The following RBFOX1 variants were observed in gnomAD, a reference collection of about 807,000 sequenced individuals.
The protein encoded by RBFOX1 is RNA binding protein fox-1 homolog 1.
In RBFOX1, 8 loss-of-function variants were observed where a neutral mutation model predicts 57.7. The ratio of observed to expected loss-of-function variants is 0.14; its 90% CI spans 0.08 to 0.25. RBFOX1 has a LOEUF of 0.25. RBFOX1 is among the 10% of genes least tolerant of loss of function. The pLI, the probability that RBFOX1 is intolerant of heterozygous loss-of-function variation, is 1.00. For missense variants in RBFOX1, 611 were observed against 548.5 expected, an observed-to-expected ratio of 1.11 and a Z score of -1.14; for synonymous variants, 326 against 222.4, an observed-to-expected ratio of 1.47 and a Z score of -4.15.
intron 3 of RBFOX1, among the ~76,000 whole-genome samples, chr16:6,813,676 T>TC (rs1567363873): frequency 6.6e-6 from 1 of 152,182 alleles, no homozygotes; most frequent in Non-Finnish European, 1.5e-5. Flanking sequence ...AATTTCTTTA[T>TC]CACCTTTCCA....
chr16:6,262,036 CAA>C (rs747451048), intron 1 of RBFOX1, among the ~76,000 whole-genome samples: 23 of 141,358 alleles, frequency 1.6e-4, no homozygotes, highest in Non-Finnish European at 3.3e-4. Context: ...CTCAGAAAAA[CAA>C]AAAAAAAAGA....
chr16:5,612,804 C>T (rs1299067558), intron 3 of RBFOX1, among the ~76,000 whole-genome samples: 2 of 152,192 alleles, frequency 1.3e-5, no homozygotes, highest in African/African-American at 4.8e-5. Context: ...GGTCTTTAAC[C>T]CTAAGCATTG....
At chr16:6,253,777 T>C (rs1196079352) in intron 1 of RBFOX1, among the ~76,000 whole-genome samples, 2 of 152,142 alleles carry the variant, frequency 1.3e-5, no homozygotes, top group East Asian at 3.9e-4. Context: ...AAAATTGTGC[T>C]GTCTTTCTCT....
intron 1 of RBFOX1, among the ~76,000 whole-genome samples, chr16:6,061,531 A>G (rs4786081): frequency 0.13 from 19,977 of 151,522 alleles, 1,512 homozygotes; most frequent in African/African-American, 0.2. Flanking sequence ...ATCTGAAAAT[A>G]TATAATGTAA....
At chr16:7,224,729 T>A (rs2092982243) in intron 4 of RBFOX1, among the ~76,000 whole-genome samples, 1 of 152,190 alleles carries the variant, frequency 6.6e-6, no homozygotes, top group African/African-American at 2.4e-5. Flanking sequence ...CAATGGGAAT[T>A]GTCATTTTAT....
At position 7,317,506 on chromosome 16, in the gene RBFOX1, C is replaced by T. The variant is rs895768637; in HGVS notation, c.28-200641C>T. On this transcript the variant is annotated intron_variant, in intron 4 of 15. Coordinates refer to ENST00000550418, the MANE Select transcript of RBFOX1 (RefSeq NM_018723.4). ...CCATCGCCATTAGGACCATCACCAT[C>T]ACGAAGCAACTGGTCTCATGTATGA... is the stretch of plus-strand genomic sequence containing the variant. 2.0e-5 allele frequency among the ~76,000 whole-genome samples: 3 copies of T among 152,186 alleles called. 1 individual carries two copies. Among genetic ancestry groups the T allele is most frequent in the Admixed American group, 2.0e-4 (3 of 15,272 alleles).
intron 3 of RBFOX1, among the ~76,000 whole-genome samples, chr16:6,791,461 C>T (rs528578960): frequency 6.6e-5 from 10 of 152,116 alleles, no homozygotes; most frequent in Admixed American, 2.6e-4. Context: ...TTCAAGATGG[C>T]GAAAGTAGAG....
chr16:6,899,218 T>C (rs1174350087), intron 3 of RBFOX1, among the ~76,000 whole-genome samples: 1 of 131,012 alleles, frequency 7.6e-6, no homozygotes, highest in Non-Finnish European at 1.5e-5. Context: ...TATGTGTGTG[T>C]ATGTGTGGAT....
chr16:5,636,665 C>T (rs2048695345), intron 3 of RBFOX1, among the ~76,000 whole-genome samples: 1 of 152,166 alleles, frequency 6.6e-6, no homozygotes, highest in African/African-American at 2.4e-5. Flanking sequence ...ATGAATCTAG[C>T]AAAATTCTTG....
chr16:7,270,848 T>A (rs72769236), intron 4 of RBFOX1, among the ~76,000 whole-genome samples: 1,854 of 151,838 alleles, frequency 0.012, 25 homozygotes, highest in Middle Eastern at 0.024. Flanking sequence ...TCTCTAAAAC[T>A]TTTCTTTTTG....
intron 4 of RBFOX1, among the ~76,000 whole-genome samples, chr16:7,493,765 T>G (rs555450996): frequency 2.0e-5 from 3 of 152,196 alleles, no homozygotes; most frequent in African/African-American, 7.2e-5. Flanking sequence ...TTTACGTCAG[T>G]TGAGAAATCA....
In RBFOX1 at chr16:6,620,578, CAAT is replaced by C. The variant is rs371600675; in HGVS notation, c.-63-34022_-63-34020del. ...GGAGCTATTTTTTTTTAAACAACAA[CAAT>C]AACAACAACAAAACAAACGATTAGC... On this transcript the variant is annotated intron_variant, in intron 2 of 15. Transcript: ENST00000550418. 4.1e-3 allele frequency among the ~76,000 whole-genome samples: 616 copies of C among 151,716 alleles called. 4 individuals carry two copies. The highest frequency in any genetic ancestry group is 0.014 in the African/African-American group (588 of 41,378).
intron 2 of RBFOX1, among the ~76,000 whole-genome samples, chr16:6,357,043 G>A (rs1568007900): frequency 2.0e-5 from 3 of 152,008 alleles, no homozygotes; most frequent in Admixed American, 6.6e-5. Context: ...TCCTGCACCC[G>A]GGGACCTCTA....
chr16:6,609,510 A>C (rs891646518), intron 2 of RBFOX1, among the ~76,000 whole-genome samples: 2 of 151,916 alleles, frequency 1.3e-5, no homozygotes, highest in Non-Finnish European at 2.9e-5. Context: ...CACTTGGCTA[A>C]TTTTTGTATT....
intron 2 of RBFOX1, among the ~76,000 whole-genome samples, chr16:6,644,073 C>G (rs2098513817): frequency 6.6e-6 from 1 of 152,118 alleles, no homozygotes; most frequent in African/African-American, 2.4e-5. Flanking sequence ...TTGCAGTGAG[C>G]CAAGATCACC....
At chr16:6,553,780 A>C (rs1352800525) in intron 2 of RBFOX1, among the ~76,000 whole-genome samples, 2 of 152,200 alleles carry the variant, frequency 1.3e-5, no homozygotes, top group Admixed American at 1.3e-4. Context: ...AGGGAGGGAC[A>C]GTTTCCTAAA....
chr16:7,511,443 G>T (rs986001030), intron 4 of RBFOX1, among the ~76,000 whole-genome samples: 1 of 152,058 alleles, frequency 6.6e-6, no homozygotes, highest in African/African-American at 2.4e-5. Flanking sequence ...GAAAATTCAG[G>T]GTTCAGGATA....
At chr16:7,196,226 A>T (rs1400537117) in intron 4 of RBFOX1, among the ~76,000 whole-genome samples, 1 of 152,172 alleles carries the variant, frequency 6.6e-6, no homozygotes, top group Non-Finnish European at 1.5e-5. Context: ...TGATTCCGTT[A>T]ACTCAGTTTA....
intron 4 of RBFOX1, among the ~76,000 whole-genome samples, chr16:7,068,185 C>T (rs1052761161): frequency 6.6e-6 from 1 of 152,082 alleles, no homozygotes; most frequent in Admixed American, 6.5e-5. Context: ...TTGGCAAAAT[C>T]CTGTTTGCCA....
Sources: allele counts gnomAD v4.1 joint callset (sites outside exome capture counted in the v4.1 genomes callset), GRCh38; gene constraint gnomAD v4.1.1; transcripts MANE v1.5; gene names NCBI Gene and HGNC (gene_info 2026-07-23, HGNC 2026-07-21).